The following HSPBAP1 variants were observed in gnomAD, a reference collection of about 807,000 sequenced individuals.
HSPBAP1 encodes HSPB1-associated protein 1.
HSPBAP1 carries 27 observed loss-of-function variants against 45.2 expected under a neutral mutation model. The observed-to-expected ratio is 0.60, with a 90% CI of 0.44 to 0.82. The LOEUF (loss-of-function observed/expected upper bound fraction) is 0.82. Among genes scored for constraint, HSPBAP1 ranks in the 40% least tolerant of loss-of-function variants. The pLI is 0.00. For missense variants in HSPBAP1, 510 were observed against 590.9 expected, an observed-to-expected ratio of 0.86 and a Z score of 1.42; for synonymous variants, 204 against 202.7, an observed-to-expected ratio of 1.01 and a Z score of -0.06.
chr3:122,759,143 A>G (rs867240785), intron 4 of HSPBAP1, 81 bp downstream of exon 4: 40 of 1,499,680 alleles, frequency 2.7e-5, no homozygotes, highest in Admixed American at 6.1e-5. Flanking sequence ...GTATTGCCCT[A>G]TTCTCTCTGC....
At position 122,740,643 on chromosome 3, in the gene HSPBAP1, G is replaced by A. The variant is rs1933630963; in HGVS notation, c.1169C>T (p.Pro390Leu). The A allele has an allele frequency of 3.7e-6, 6 of 1,614,054 alleles. No homozygotes were observed. The highest frequency in any genetic ancestry group is 5.1e-6 in the Non-Finnish European group (6 of 1,180,022). The change falls in exon 8 of 8, where the codon CCT becomes CTT. Residue 390 changes from proline to leucine, a missense_variant. Physicochemically the swap from Pro to Leu is moderately conservative, Grantham distance 98. Transcript: ENST00000306103. The part of the protein sequence containing the change: ...DKPEAASPFG[P>L]DLVPVAQRSE... ...CCTCTGTGCTACAGGGACCAGATCAGGGCCAAAGGGACTTGCTGCCTCCGG... is the reference window on the plus strand; with the variant it reads ...CCTCTGTGCTACAGGGACCAGATCAAGGCCAAAGGGACTTGCTGCCTCCGG...
rs1028460483 is a variant in HSPBAP1 at position 122,761,038 on chromosome 3, A to G, written c.433-1678T>C. On this transcript the variant is annotated intron_variant, in intron 3 of 7. Coordinates refer to ENST00000306103, the MANE Select transcript of HSPBAP1 (RefSeq NM_024610.6). ...ACAAGTATGCAGGGAATGCTTTAAG[A>G]TCACAGCAGGAGGGCCCTGCACCCA... Among the ~76,000 whole-genome samples the G allele has an allele frequency of 2.0e-5, 3 of 152,198 alleles. No homozygotes were observed. In the East Asian group the frequency reaches 5.8e-4, roughly 29 times the overall value.
At chr3:122,769,611 A>G (rs1426939900) in intron 2 of HSPBAP1, among the ~76,000 whole-genome samples, 2 of 152,354 alleles carry the variant, frequency 1.3e-5, no homozygotes, top group East Asian at 3.9e-4. Flanking sequence ...TCCTTTCAGG[A>G]TGTGATGTAG....
chr3:122,753,717 C>G, intron 5 of HSPBAP1: 1 of 984,878 alleles, frequency 1.0e-6, no homozygotes, highest in Non-Finnish European at 1.2e-6. Flanking sequence ...AAGAGAGATC[C>G]TTTCAGGAAA....
At chr3:122,754,533 T>A in intron 5 of HSPBAP1, 2 of 985,136 alleles carry the variant, frequency 2.0e-6, no homozygotes, top group Non-Finnish European at 2.4e-6. Flanking sequence ...AGTGAAATTG[T>A]TTGAGTTGAT....
At chr3:122,763,378 G>A (rs1293039274) in intron 3 of HSPBAP1, among the ~76,000 whole-genome samples, 2 of 152,052 alleles carry the variant, frequency 1.3e-5, no homozygotes, top group African/African-American at 4.8e-5. Context: ...TTGGGTGTAG[G>A]TATATGTAAA....
At chr3:122,779,162 C>T (rs1202156676) in intron 1 of HSPBAP1, among the ~76,000 whole-genome samples, 1 of 152,066 alleles carries the variant, frequency 6.6e-6, no homozygotes, top group Admixed American at 6.6e-5. Context: ...CTGCCTCAGC[C>T]TTCCGAGTAG....
At chr3:122,752,106 AG>A (rs1934170169) in intron 6 of HSPBAP1, among the ~76,000 whole-genome samples, 1 of 152,220 alleles carries the variant, frequency 6.6e-6, no homozygotes, top group African/African-American at 2.4e-5. Flanking sequence ...TCAGAGGGAA[AG>A]GCTTCTGGCA....
intron 3 of HSPBAP1, among the ~76,000 whole-genome samples, chr3:122,767,328 CG>C (rs1934820666): frequency 6.6e-6 from 1 of 152,136 alleles, no homozygotes; most frequent in African/African-American, 2.4e-5. Context: ...CACTTAAAGT[CG>C]GGAATTTGAG....
intron 2 of HSPBAP1, among the ~76,000 whole-genome samples, chr3:122,769,634 A>C (rs1455379229): frequency 6.6e-6 from 1 of 152,240 alleles, no homozygotes; most frequent in Non-Finnish European, 1.5e-5. Flanking sequence ...CAGTTAGCAC[A>C]GTGCTTGACA....
At chr3:122,784,839 C>T (rs1410529328) in intron 1 of HSPBAP1, among the ~76,000 whole-genome samples, 1 of 152,186 alleles carries the variant, frequency 6.6e-6, no homozygotes, top group Non-Finnish European at 1.5e-5. Context: ...TGAACACAGG[C>T]ATCATAACAA....
chr3:122,740,354 T>C lies in HSPBAP1; in HGVS notation c.1458A>G (p.Arg486=). 1 of 1,597,064 alleles carries C rather than the reference T, an allele frequency of 6.3e-7. No individual in the cohort carries two copies. The highest frequency in any genetic ancestry group is 2.2e-5 in the East Asian group (1 of 44,568). The change falls in exon 8 of 8, where the codon AGA becomes AGG. Residue 486 remains arginine, a synonymous_variant. Coordinates refer to ENST00000306103, the MANE Select transcript of HSPBAP1 (RefSeq NM_024610.6). ...RIVAQLLIQG[R]SL Reference sequence around the variant, plus strand: ...TCATCTTCCACTTGAATCATAAACTTCTTCCTTGTATCAAAAGTTGTGCCA... The same window carrying C: ...TCATCTTCCACTTGAATCATAAACTCCTTCCTTGTATCAAAAGTTGTGCCA...
intron 1 of HSPBAP1, among the ~76,000 whole-genome samples, 172 bp from the exon 2 acceptor site, chr3:122,778,078 G>A (rs2163182): frequency 0.99 from 150,766 of 152,218 alleles, 74,690 homozygotes; most frequent in Middle Eastern, 1. Flanking sequence ...CAAAAGACCT[G>A]ATTCTTTTCT....
rs1935916412 is a variant in HSPBAP1 at position 122,793,774 on chromosome 3, C to G, written c.-94G>C. ...CCAAACTCCGAGACCCGAAGCTGCA[C>G]CACAGGAAGGAGCCCCGGCGACTCC... On this transcript the variant is annotated 5_prime_UTR_variant, in exon 1 of 8. Transcript: ENST00000306103. The G allele has an allele frequency of 1.4e-5, 17 of 1,208,556 alleles. No homozygotes were observed. The highest frequency in any genetic ancestry group is 2.0e-5 in the Non-Finnish European group (17 of 834,664). The allele number at this position is 1,208,556 out of a possible 1,614,324, so 74.9% of individuals were successfully genotyped here.
At chr3:122,779,204 GTTAA>G (rs981782183) in intron 1 of HSPBAP1, among the ~76,000 whole-genome samples, 1 of 151,522 alleles carries the variant, frequency 6.6e-6, no homozygotes, top group African/African-American at 2.4e-5. Flanking sequence ...ACCTCGCCAG[GTTAA>G]TTTTTTGTAT....
chr3:122,780,340 C>A, intron 1 of HSPBAP1, among the ~76,000 whole-genome samples: 1 of 120,718 alleles, frequency 8.3e-6, no homozygotes, highest in Non-Finnish European at 1.8e-5. Flanking sequence ...GGGCTGACCC[C>A]CCCACCTCCC....
chr3:122,750,875 C>T (rs887397150), intron 6 of HSPBAP1, among the ~76,000 whole-genome samples: 7 of 152,106 alleles, frequency 4.6e-5, no homozygotes, highest in African/African-American at 9.7e-5. Flanking sequence ...ATTATCTTGT[C>T]AAGCTGGAAT....
At chr3:122,752,514 A>C in intron 6 of HSPBAP1, 77 bp downstream of exon 6, 1 of 849,838 alleles carries the variant, frequency 1.2e-6, no homozygotes, top group Non-Finnish European at 1.8e-6. Context: ...ACCCAGTTGT[A>C]CAGCCAGACC....
chr3:122,740,651 G>C lies in HSPBAP1; in HGVS notation c.1161C>G (p.Pro387=). The C allele has an allele frequency of 6.2e-7, 1 of 1,614,084 alleles. No individual in the cohort carries two copies. The highest frequency in any genetic ancestry group is 8.5e-7 in the Non-Finnish European group (1 of 1,180,044). ...TGTDKPEAAS[P]FGPDLVPVAQ... ...CTACAGGGACCAGATCAGGGCCAAA[G>C]GGACTTGCTGCCTCCGGTTTGTCTG... Residue 387 remains proline (P), a synonymous_variant, in exon 8 of 8, where the codon CCC becomes CCG. Transcript: ENST00000306103.
Sources: gnomAD v4.1 joint callset for allele counts (sites outside exome capture counted in the v4.1 genomes callset) on GRCh38, gnomAD v4.1.1 for gene constraint, MANE v1.5 for transcripts, NCBI Gene and HGNC (gene_info 2026-07-23, HGNC 2026-07-21) for gene names.